Variants in ZMYM1 observed in about 807,000 individuals in gnomAD.
The protein encoded by ZMYM1 is zinc finger MYM-type containing 1, also known as zinc finger MYM-type protein 1.
A neutral mutation model predicts 60.0 loss-of-function variants in ZMYM1; 39 were observed. That is an observed-to-expected ratio of 0.65 (90% CI 0.50 to 0.85). ZMYM1 has a LOEUF of 0.85. Among genes scored for constraint, ZMYM1 ranks in the 40% least tolerant of loss-of-function variants. ZMYM1 has a pLI of 0.00. For synonymous variants in ZMYM1, 413 were observed against 454.0 expected, an observed-to-expected ratio of 0.91 and a Z score of 1.15; for missense variants, 1,171 against 1,309.5, an observed-to-expected ratio of 0.89 and a Z score of 1.63.
chr1:35,068,434 A>AG (rs1642012214), intron 1 of ZMYM1, among the ~76,000 whole-genome samples: 1 of 150,124 alleles, frequency 6.7e-6, no homozygotes, highest in Non-Finnish European at 1.5e-5. Context: ...AAAAAAAAAA[A>AG]GAAAAGAAAA....
intron 1 of ZMYM1, among the ~76,000 whole-genome samples, chr1:35,092,260 T>A (rs1643059635): frequency 6.6e-6 from 1 of 151,206 alleles, no homozygotes. Context: ...TGAGACAGAA[T>A]CTCGCTCTGT....
rs997560119 is a variant in ZMYM1, at chr1:35,113,687, T to C, written c.1857T>C (p.Ser619=). The C allele has an allele frequency of 1.9e-6, 3 of 1,613,420 alleles. No individual in the cohort carries two copies. The highest frequency in any genetic ancestry group is 1.3e-5 in the African/African-American group (1 of 74,894). Residue 619 remains serine (S), a synonymous_variant, in exon 10 of 10, where the codon AGT becomes AGC. Coordinates refer to ENST00000359858, the MANE Select transcript of ZMYM1 (RefSeq NM_024772.5). ...VDFYNSTQIQ[S]DIIEIIKTEM... is the part of the protein sequence containing the mutation. Reference sequence around the variant, plus strand: ...TCTATAACAGTACACAAATTCAAAGTGATATTATCGAAATAATAAAGACTG... The same window carrying C: ...TCTATAACAGTACACAAATTCAAAGCGATATTATCGAAATAATAAAGACTG...
chr1:35,079,771 C>T (rs1642270273), intron 1 of ZMYM1, among the ~76,000 whole-genome samples: 1 of 152,198 alleles, frequency 6.6e-6, no homozygotes, highest in African/African-American at 2.4e-5. Context: ...GTTTCAGAAG[C>T]CCCATCACAC....
intron 1 of ZMYM1, chr1:35,059,976 T>C (rs1641841966): frequency 6.6e-6 from 1 of 152,076 alleles, no homozygotes; most frequent in African/African-American, 2.4e-5. Flanking sequence ...AATTCATCTC[T>C]AGGGTGCCAC....
At chr1:35,117,475 A>G (rs1166825322), downstream of ZMYM1, among the ~76,000 whole-genome samples, 2 of 151,730 alleles carry the variant, frequency 1.3e-5, no homozygotes, top group Admixed American at 1.3e-4. Flanking sequence ...GCCCACCACC[A>G]CGCCTGGCTC....
At chr1:35,095,717 T>G in intron 2 of ZMYM1, 102 bp from the exon 3 acceptor site, 5 of 960,522 alleles carry the variant, frequency 5.2e-6, no homozygotes, top group Non-Finnish European at 7.6e-6. Flanking sequence ...TACAATTCAT[T>G]GACCAGACTT....
In ZMYM1 at chr1:35,114,351, A is replaced by G. The variant is rs773307455; in HGVS notation, c.2521A>G (p.Ser841Gly). ...TATAGCAAGCCATTCTTCAAATACA[A>G]GTTTCGCCGATGAATTGAGTCATTT... ...EVIASHSSNT[S>G]FADELSHLLT... Residue 841 changes from serine (S) to glycine (G), a missense_variant, in exon 10 of 10, where the codon AGT (serine) becomes GGT (glycine). Coordinates refer to ENST00000359858, the MANE Select transcript of ZMYM1 (RefSeq NM_024772.5). 2 of 1,611,896 alleles carry G rather than the reference A, an allele frequency of 1.2e-6. No individual in the cohort carries two copies. The highest frequency in any genetic ancestry group is 1.1e-5 in the South Asian group (1 of 90,222).
chr1:35,090,412 G>A (rs6425930), intron 1 of ZMYM1, among the ~76,000 whole-genome samples: 4,378 of 152,228 alleles, frequency 0.029, 213 homozygotes, highest in African/African-American at 0.097. Context: ...GGGAGGGATA[G>A]CATTAGAAGC....
chr1:35,091,518 A>C (rs973693880), intron 1 of ZMYM1, among the ~76,000 whole-genome samples: 2 of 151,982 alleles, frequency 1.3e-5, no homozygotes, highest in Non-Finnish European at 2.9e-5. Context: ...GGCCAAGTGG[A>C]GATATTTAAT....
intron 1 of ZMYM1, among the ~76,000 whole-genome samples, chr1:35,087,403 T>C (rs1642715731): frequency 6.7e-6 from 1 of 149,532 alleles, no homozygotes; most frequent in South Asian, 2.1e-4. Flanking sequence ...TATGTGTATC[T>C]GGAAATAACT....
intron 4 of ZMYM1, among the ~76,000 whole-genome samples, chr1:35,103,222 A>G (rs1385291482): frequency 6.6e-6 from 1 of 152,204 alleles, no homozygotes; most frequent in African/African-American, 2.4e-5. Flanking sequence ...CATCACTTCA[A>G]AGTAAAACAC....
intron 6 of ZMYM1, among the ~76,000 whole-genome samples, chr1:35,109,084 A>G (rs1051584625): frequency 6.6e-6 from 1 of 151,756 alleles, no homozygotes; most frequent in African/African-American, 2.4e-5. Flanking sequence ...CAATGGCATG[A>G]TCTCGGCTCA....
At chr1:35,090,502 T>A (rs1642938137) in intron 1 of ZMYM1, among the ~76,000 whole-genome samples, 1 of 152,128 alleles carries the variant, frequency 6.6e-6, no homozygotes, top group South Asian at 2.1e-4. Flanking sequence ...AAACTGCACG[T>A]TCTGCACATA....
At chr1:35,118,054 A>G (rs889919490), downstream of ZMYM1, among the ~76,000 whole-genome samples, 4 of 152,038 alleles carry the variant, frequency 2.6e-5, no homozygotes, top group African/African-American at 9.6e-5. Context: ...CCTGGCCAAC[A>G]TGGTGAAACC....
At chr1:35,108,445 A>G (rs1446226933) in intron 6 of ZMYM1, among the ~76,000 whole-genome samples, 1 of 151,810 alleles carries the variant, frequency 6.6e-6, no homozygotes, top group Admixed American at 6.6e-5. Flanking sequence ...TCCGCCTCCC[A>G]GGTTCAAGCA....
intron 1 of ZMYM1, among the ~76,000 whole-genome samples, chr1:35,081,848 A>G (rs958366930): frequency 3.2e-4 from 48 of 152,114 alleles, no homozygotes; most frequent in African/African-American, 1.1e-3. Context: ...GGTGCCCACC[A>G]CCATGCCCAG....
Position 35,115,373 on chromosome 1 carries a change from C to G in ZMYM1, c.*114C>G. 1.6e-6 allele frequency: 2 copies of G among 1,241,734 alleles called. No individual in the cohort carries two copies. The highest frequency in any genetic ancestry group is 2.2e-6 in the Non-Finnish European group (2 of 924,964). 76.9% of individuals were successfully genotyped at this position (1,241,734 alleles called of 1,614,324 possible). A position where few individuals can be genotyped will look rare whatever the true frequency, so the allele number is the denominator to read the frequency against. The stretch of plus-strand genomic sequence containing the variant: ...ACGATAAACAGTGAAGTCTCCTTCC[C>G]TCCTTTAGAACTCATTTTCTCTTCC... On this transcript the variant is annotated 3_prime_UTR_variant, in exon 10 of 10. Coordinates refer to ENST00000359858, the MANE Select transcript of ZMYM1 (RefSeq NM_024772.5).
At position 35,079,456 on chromosome 1, in the gene ZMYM1, TG is replaced by T. The variant is rs1324053003; in HGVS notation, c.-75+15del. ...TGAGAGAAATTAGTAAGCCTCCTCA[TG>T]CGGCTCTGGTTTCGGTCTTTACTCC... On this transcript the variant is annotated intron_variant, in intron 1 of 9. Coordinates refer to ENST00000359858, the MANE Select transcript of ZMYM1 (RefSeq NM_024772.5). 6.6e-6 allele frequency: 1 copy of T among 152,140 alleles called. No homozygotes were observed. The highest frequency in any genetic ancestry group is 1.5e-5 in the Non-Finnish European group (1 of 68,038). 9.4% of individuals were successfully genotyped at this position (152,140 alleles called of 1,614,324 possible).
At chr1:35,096,303 C>A (rs1375908442) in intron 3 of ZMYM1, among the ~76,000 whole-genome samples, 1 of 145,736 alleles carries the variant, frequency 6.9e-6, no homozygotes, top group African/African-American at 2.6e-5. Context: ...CAGAGCGAGA[C>A]TCTGTCTAAA....
Sources: allele counts gnomAD v4.1 joint callset (sites outside exome capture counted in the v4.1 genomes callset), GRCh38; gene constraint gnomAD v4.1.1; transcripts MANE v1.5; gene names NCBI Gene and HGNC (gene_info 2026-07-23, HGNC 2026-07-21).